Variants in POLA1 observed in about 807,000 individuals in gnomAD.
POLA1 encodes DNA polymerase alpha 1, catalytic subunit, also known as DNA polymerase alpha catalytic subunit.
A neutral mutation model predicts 124.0 loss-of-function variants in POLA1; 15 were observed. The observed-to-expected ratio is 0.12, with a 90% CI of 0.08 to 0.19. POLA1 has a LOEUF of 0.19. Ranked by LOEUF, POLA1 falls within the 10% of genes least tolerant of loss-of-function variation. POLA1 has a pLI of 1.00. For missense variants in POLA1, 886 were observed against 1,103.4 expected (o/e 0.80, Z 2.79); for synonymous variants, 408 against 389.4 (o/e 1.05, Z -0.56).
intron 34 of POLA1, among the ~76,000 whole-genome samples, chrX:24,864,559 C>T (rs2046765462): frequency 9.0e-6 from 1 of 111,700 alleles, no homozygotes; most frequent in Admixed American, 9.5e-5. Context: ...CATCCAGCAA[C>T]ACTGTCAAAT....
At chrX:24,818,806 G>T (rs1216287513) in intron 30 of POLA1, among the ~76,000 whole-genome samples, 1 of 111,908 alleles carries the variant, frequency 8.9e-6, no homozygotes, top group Non-Finnish European at 1.9e-5. Context: ...TTACAATTTT[G>T]CACATCTCTT....
chrX:24,950,834 C>T (rs1442399504), intron 36 of POLA1, among the ~76,000 whole-genome samples: 1 of 112,012 alleles, frequency 8.9e-6, no homozygotes, highest in Non-Finnish European at 1.9e-5. Context: ...ATACTAGCAG[C>T]TGTTACAGAG....
chrX:24,777,745 G>A (rs1236107608), intron 26 of POLA1, among the ~76,000 whole-genome samples: 1 of 111,875 alleles, frequency 8.9e-6, no homozygotes, highest in Non-Finnish European at 1.9e-5. Context: ...GGGAGAGGTG[G>A]AGGGAGTTGT....
rs1181318480 is a variant in POLA1 at position 24,785,334 on chromosome X, G to A, written c.2965-24564G>A. On this transcript the variant is annotated intron_variant, in intron 26 of 36. Transcript: ENST00000379068. ...AGAAACCCCTTTGATCCTTGCCTGT[G>A]TAAGAATGGTCTCATGAGTGGCTGA... Among the ~76,000 whole-genome samples, 6 of 111,759 alleles carry A rather than the reference G, an allele frequency of 5.4e-5. No homozygotes were observed. In the Admixed American group the frequency reaches 5.7e-4, roughly 11 times the overall value.
intron 1 of POLA1, among the ~76,000 whole-genome samples, chrX:24,698,722 C>T (rs1003131700): frequency 1.8e-5 from 2 of 111,303 alleles, no homozygotes; most frequent in Non-Finnish European, 3.8e-5. Flanking sequence ...GGTGCGATCT[C>T]AGCTCGCTGC....
At chrX:24,785,478 A>G (rs1453005755) in intron 26 of POLA1, among the ~76,000 whole-genome samples, 1 of 111,996 alleles carries the variant, frequency 8.9e-6, no homozygotes, top group Non-Finnish European at 1.9e-5. Context: ...AGATAGGTGA[A>G]GAAAATTGTG....
chrX:24,785,229 A>G (rs905129094), intron 26 of POLA1, among the ~76,000 whole-genome samples: 3 of 112,467 alleles, frequency 2.7e-5, no homozygotes, highest in South Asian at 3.7e-4. Flanking sequence ...TATTTTTGCC[A>G]TGAGTGATTC....
At chrX:24,871,157 C>T (rs1773124438) in intron 34 of POLA1, among the ~76,000 whole-genome samples, 2 of 112,153 alleles carry the variant, frequency 1.8e-5, no homozygotes, top group Admixed American at 9.5e-5. Flanking sequence ...CTATATGTTT[C>T]ACAACTTGAT....
At chrX:24,698,641 GTTGTTTTTTGTTT>G (rs1452438643) in intron 1 of POLA1, among the ~76,000 whole-genome samples, 29 of 111,147 alleles carry the variant, frequency 2.6e-4, no homozygotes, top group Non-Finnish European at 3.4e-4. Context: ...TTTTGTTGTT[GTTGTTTTTTGTTT>G]TTGTTTTTTG....
rs911243417 is a variant in POLA1, at chrX:24,960,967, T to C, written c.4261+30418T>C. Among the ~76,000 whole-genome samples, 4 of 112,663 alleles carry C rather than the reference T, an allele frequency of 3.6e-5. No individual in the cohort carries two copies. The Admixed American group carries it at 3.8e-4, about 11-fold the overall frequency. On this transcript the variant is annotated intron_variant, in intron 36 of 36. Transcript: ENST00000379068. ...CCACAGAGTTAGAGGCTTAATTTTC[T>C]TTCTATCAATATATTGCTTTTATTT...
intron 26 of POLA1, among the ~76,000 whole-genome samples, chrX:24,758,538 T>C (rs1177314872): frequency 8.9e-6 from 1 of 112,294 alleles, no homozygotes; most frequent in Non-Finnish European, 1.9e-5. Flanking sequence ...AGCCAGTTGA[T>C]GTAAGAGACA....
rs2046891073 is a variant in POLA1 at position 24,873,332 on chromosome X, C to T, written c.4048-14674C>T. Among the ~76,000 whole-genome samples the T allele has an allele frequency of 2.7e-5, 3 of 111,694 alleles. No individual in the cohort carries two copies. The South Asian group carries it at 1.1e-3, about 42-fold the overall frequency. On this transcript the variant is annotated intron_variant, in intron 34 of 36. Coordinates refer to ENST00000379068, the MANE Select transcript of POLA1 (RefSeq NM_001330360.2). ...TCATCAAGATTGTAAATGAACATAC[C>T]GTTCTACTTTGCAATTCTAATTTGG...
At chrX:24,995,754 T>C (rs772137201) in intron 36 of POLA1, 51 bp from the exon 37 acceptor site, 2 of 1,075,098 alleles carry the variant, frequency 1.9e-6, no homozygotes, top group Admixed American at 4.6e-5. Flanking sequence ...ATACTGAATG[T>C]TCTTTAAAGA....
intron 36 of POLA1, among the ~76,000 whole-genome samples, chrX:24,968,628 G>A (rs936498552): frequency 5.6e-5 from 6 of 107,516 alleles, no homozygotes; most frequent in East Asian, 2.9e-4. Context: ...GTGTGAACCC[G>A]GGAGGCGGAG....
At position 24,803,472 on chromosome X, in the gene POLA1, A is replaced by T. The variant is rs11573409; in HGVS notation, c.2965-6426A>T. ...TTGATATATATGTAGATGTGTATAT[A>T]TACCCCCGAAGTGTGGAAAAGAGAT... On this transcript the variant is annotated intron_variant, in intron 26 of 36. Coordinates refer to ENST00000379068, the MANE Select transcript of POLA1 (RefSeq NM_001330360.2). 7.2e-3 allele frequency among the ~76,000 whole-genome samples: 803 copies of T among 111,022 alleles called. 4 individuals are homozygous for T. The highest frequency in any genetic ancestry group is 0.025 in the African/African-American group (749 of 30,515).
intron 19 of POLA1, among the ~76,000 whole-genome samples, chrX:24,738,102 A>G (rs1389014679): frequency 1.9e-5 from 2 of 103,669 alleles, no homozygotes; most frequent in Non-Finnish European, 3.8e-5. Context: ...AGTCCCAGCT[A>G]CTGGGGAGGC....
At chrX:24,948,907 C>T (rs1049341086) in intron 36 of POLA1, among the ~76,000 whole-genome samples, 1 of 112,112 alleles carries the variant, frequency 8.9e-6, no homozygotes, top group East Asian at 2.8e-4. Flanking sequence ...AATAAAAAAA[C>T]TTTAATTACA....
At chrX:24,830,733 T>G (rs1308104993) in intron 32 of POLA1, among the ~76,000 whole-genome samples, 3 of 112,041 alleles carry the variant, frequency 2.7e-5, no homozygotes, top group South Asian at 7.5e-4. Flanking sequence ...TGCTCAAACA[T>G]CCAAATAGTC....
chrX:24,927,272 T>C (rs2047707775), intron 35 of POLA1, among the ~76,000 whole-genome samples: 1 of 111,724 alleles, frequency 9.0e-6, no homozygotes, highest in South Asian at 3.8e-4. Flanking sequence ...TATGTTTTGG[T>C]CATAAAGTAC....
Sources: gnomAD v4.1 joint callset for allele counts (sites outside exome capture counted in the v4.1 genomes callset) on GRCh38, gnomAD v4.1.1 for gene constraint, MANE v1.5 for transcripts, NCBI Gene and HGNC (gene_info 2026-07-23, HGNC 2026-07-21) for gene names.